CNTNAP5: variants seen among roughly 807,000 people sequenced by gnomAD.
CNTNAP5 encodes contactin associated protein family member 5, also known as contactin-associated protein-like 5.
CNTNAP5 carries 72 observed loss-of-function variants against 150.2 expected under a neutral mutation model. The ratio of observed to expected loss-of-function variants is 0.48; its 90% CI spans 0.40 to 0.58. The LOEUF (loss-of-function observed/expected upper bound fraction) is 0.58. CNTNAP5 is among the 20% of genes least tolerant of loss of function. The pLI, the probability that CNTNAP5 is intolerant of heterozygous loss-of-function variation, is 0.00. For synonymous variants in CNTNAP5, 672 were observed against 619.8 expected (o/e 1.08, Z -1.25); for missense variants, 1,636 against 1,626.2 (o/e 1.01, Z -0.10).
chr2:124,346,145 C>T (rs1298886965), intron 3 of CNTNAP5, among the ~76,000 whole-genome samples: 1 of 152,138 alleles, frequency 6.6e-6, no homozygotes, highest in Non-Finnish European at 1.5e-5. Context: ...TAAAATACCA[C>T]ACTCACTTGC....
At chr2:124,571,537 T>TCTCTTTG (rs1558959234) in intron 11 of CNTNAP5, among the ~76,000 whole-genome samples, 6 of 102,236 alleles carry the variant, frequency 5.9e-5, no homozygotes, top group African/African-American at 2.3e-4. Context: ...CTTTTTTTTT[T>TCTCTTTG]TTTTTTTTTT....
At chr2:124,791,080 C>G (rs1433208985) in intron 18 of CNTNAP5, among the ~76,000 whole-genome samples, 1 of 152,122 alleles carries the variant, frequency 6.6e-6, no homozygotes, top group Non-Finnish European at 1.5e-5. Context: ...ACAATCAGAG[C>G]AATGATAAAT....
intron 10 of CNTNAP5, among the ~76,000 whole-genome samples, chr2:124,535,623 A>AG (rs1695212961): frequency 6.6e-6 from 1 of 151,430 alleles, no homozygotes; most frequent in Non-Finnish European, 1.5e-5. Flanking sequence ...AAAAAAAAAA[A>AG]AAAATTAGCT....
chr2:124,484,034 C>A (rs762044684), intron 7 of CNTNAP5, among the ~76,000 whole-genome samples: 36 of 152,358 alleles, frequency 2.4e-4, no homozygotes, highest in African/African-American at 8.2e-4. Flanking sequence ...CACTTCCTTT[C>A]TTTCACCACA....
intron 19 of CNTNAP5, among the ~76,000 whole-genome samples, chr2:124,831,493 GCTTTT>G (rs1392277345): frequency 1.3e-5 from 2 of 150,820 alleles, no homozygotes; most frequent in African/African-American, 4.9e-5. Flanking sequence ...GCATTTTTAT[GCTTTT>G]CTTATATTTT....
intron 1 of CNTNAP5, among the ~76,000 whole-genome samples, chr2:124,072,580 G>A (rs1178375020): frequency 1.3e-5 from 2 of 151,666 alleles, no homozygotes; most frequent in African/African-American, 4.8e-5. Flanking sequence ...CTATATGCCA[G>A]CACGGAACAA....
rs1338580939 is a variant in CNTNAP5, at chr2:124,917,056, A to AATT, written c.*2770_*2771insTAT. Among the ~76,000 whole-genome samples the AATT allele has an allele frequency of 6.6e-6, 1 of 152,080 alleles. No homozygotes were observed. Among genetic ancestry groups the AATT allele is most frequent in the Non-Finnish European group, 1.5e-5 (1 of 67,988 alleles). Reference sequence around the variant, plus strand: ...AATTGTTCAATTGTGTGAGTGTTTTAATCCTTCTGCAATTATCATCTCGAA... The same window carrying AATT: ...AATTGTTCAATTGTGTGAGTGTTTTAATTATCCTTCTGCAATTATCATCTCGAA... On this transcript the variant is annotated 3_prime_UTR_variant, in exon 24 of 24. Transcript: ENST00000682447.
chr2:124,167,331 C>A (rs1045612224), intron 1 of CNTNAP5, among the ~76,000 whole-genome samples: 2 of 152,102 alleles, frequency 1.3e-5, no homozygotes. Context: ...AGCCTTAAAA[C>A]CATAAGAGAT....
chr2:124,654,563 A>G (rs1201429528), intron 13 of CNTNAP5, among the ~76,000 whole-genome samples: 2 of 152,068 alleles, frequency 1.3e-5, no homozygotes, highest in Non-Finnish European at 2.9e-5. Context: ...TTTCTCACCC[A>G]ATTAACTGAG....
At position 124,902,901 on chromosome 2, in the gene CNTNAP5, T is replaced by C; in HGVS notation, c.3456T>C (p.Ser1152=). The part of the protein sequence containing the change: ...GKVTENLGLD[S]EVAKANAMGF... Reference sequence around the variant, plus strand: ...TTGCAGAGAATCTTGGTTTGGATTCTGAAGTTGCTAAAGCAAATGCCATGG... The same window carrying C: ...TTGCAGAGAATCTTGGTTTGGATTCCGAAGTTGCTAAAGCAAATGCCATGG... Residue 1152 remains serine (S), a synonymous_variant, in exon 22 of 24, where the codon TCT becomes TCC. Transcript: ENST00000682447. The C allele has an allele frequency of 1.2e-6, 2 of 1,609,310 alleles. No individual in the cohort carries two copies. Among genetic ancestry groups the C allele is most frequent in the Non-Finnish European group, 8.5e-7 (1 of 1,176,610 alleles).
intron 13 of CNTNAP5, among the ~76,000 whole-genome samples, chr2:124,689,395 C>A (rs192818931): frequency 8.0e-4 from 121 of 152,196 alleles, no homozygotes; most frequent in African/African-American, 2.7e-3. Flanking sequence ...TGGGAATTGA[C>A]CAAGCTAAGA....
intron 17 of CNTNAP5, among the ~76,000 whole-genome samples, chr2:124,779,120 G>T (rs1418568040): frequency 6.6e-6 from 1 of 152,216 alleles, no homozygotes; most frequent in Admixed American, 6.5e-5. Flanking sequence ...TGGGAGTGCT[G>T]TTGGTGGACA....
At chr2:124,226,413 C>T (rs1041757072) in intron 2 of CNTNAP5, among the ~76,000 whole-genome samples, 16 of 152,042 alleles carry the variant, frequency 1.1e-4, no homozygotes, top group African/African-American at 2.2e-4. Context: ...TTTGGAAAAA[C>T]GTCAATTTAG....
chr2:124,452,510 G>T (rs1245091164), intron 6 of CNTNAP5, among the ~76,000 whole-genome samples: 1 of 152,102 alleles, frequency 6.6e-6, no homozygotes, highest in Non-Finnish European at 1.5e-5. Context: ...TGGGGCCCTG[G>T]CCACCACCTG....
intron 1 of CNTNAP5, among the ~76,000 whole-genome samples, chr2:124,031,887 A>G (rs1317889654): frequency 6.6e-6 from 1 of 152,162 alleles, no homozygotes; most frequent in African/African-American, 2.4e-5. Flanking sequence ...TACCCTGATA[A>G]CATGATTCCA....
At chr2:124,792,015 G>A (rs776631476) in intron 18 of CNTNAP5, among the ~76,000 whole-genome samples, 5 of 152,182 alleles carry the variant, frequency 3.3e-5, no homozygotes, top group South Asian at 2.1e-4. Context: ...GAATGTGGCC[G>A]GAACTGAAAT....
intron 8 of CNTNAP5, among the ~76,000 whole-genome samples, chr2:124,509,255 G>T (rs1207359389): frequency 6.6e-6 from 1 of 152,210 alleles, no homozygotes; most frequent in African/African-American, 2.4e-5. Flanking sequence ...CAAAGTAAAT[G>T]CATCCTCAAA....
chr2:124,054,545 G>C (rs1438074207), intron 1 of CNTNAP5, among the ~76,000 whole-genome samples: 3 of 152,030 alleles, frequency 2.0e-5, no homozygotes, highest in Non-Finnish European at 4.4e-5. Flanking sequence ...GTTGCCCGAG[G>C]CAAGACCTGC....
chr2:124,466,989 T>G (rs1377669501), intron 6 of CNTNAP5, among the ~76,000 whole-genome samples: 1 of 152,040 alleles, frequency 6.6e-6, no homozygotes, highest in Non-Finnish European at 1.5e-5. Context: ...GTACACCAAT[T>G]AAATGTAGAC....
Sources: allele counts gnomAD v4.1 joint callset (sites outside exome capture counted in the v4.1 genomes callset), GRCh38; gene constraint gnomAD v4.1.1; transcripts MANE v1.5; gene names NCBI Gene and HGNC (gene_info 2026-07-23, HGNC 2026-07-21).